Variants in FBXL13 observed in about 807,000 individuals in gnomAD.
FBXL13 encodes F-box and leucine-rich repeat protein 13.
Under a neutral mutation model 83.6 loss-of-function variants are expected in FBXL13, and 67 were observed. The observed-to-expected ratio is 0.80, with a 90% CI of 0.66 to 0.98. The LOEUF is 0.98. Ranked by LOEUF, FBXL13 falls within the 50% of genes least tolerant of loss-of-function variation. The pLI, the probability that FBXL13 is intolerant of heterozygous loss-of-function variation, is 0.00. For synonymous variants in FBXL13, 272 were observed against 299.5 expected, an observed-to-expected ratio of 0.91 and a Z score of 0.95; for missense variants, 822 against 866.5, an observed-to-expected ratio of 0.95 and a Z score of 0.64.
At chr7:103,033,301 G>A (rs1794712147) in intron 2 of FBXL13, among the ~76,000 whole-genome samples, 1 of 152,192 alleles carries the variant, frequency 6.6e-6, no homozygotes, top group Admixed American at 6.5e-5. Context: ...AGAACAAACT[G>A]CAGGCAGAAT....
chr7:102,815,223 C>G (rs1487768001), intron 19 of FBXL13, among the ~76,000 whole-genome samples: 1 of 152,234 alleles, frequency 6.6e-6, no homozygotes, highest in Non-Finnish European at 1.5e-5. Flanking sequence ...CTCCTCTAAA[C>G]ATCTACAGGA....
intron 18 of FBXL13, among the ~76,000 whole-genome samples, chr7:102,829,260 T>C (rs372453173): frequency 6.6e-6 from 1 of 152,326 alleles, no homozygotes; most frequent in South Asian, 2.1e-4. Flanking sequence ...TTGCTGCCTA[T>C]CTGTAAGTAA....
At chr7:102,904,225 GC>G (rs933885513) in intron 11 of FBXL13, among the ~76,000 whole-genome samples, 3 of 151,842 alleles carry the variant, frequency 2.0e-5, no homozygotes, top group Non-Finnish European at 4.4e-5. Context: ...AATCTTGGTA[GC>G]TTGTATGTGT....
Position 102,878,452 on chromosome 7 carries a change from T to G in FBXL13, c.1389-2A>C. 1 of 1,572,948 alleles carries G rather than the reference T, an allele frequency of 6.4e-7. No individual in the cohort carries two copies. Among genetic ancestry groups the G allele is most frequent in the Non-Finnish European group, 8.6e-7 (1 of 1,165,354 alleles). ...TGCTTTAGTCCCATATCACCAATTC[T>G]GTAGGAAAGAGAGAAAAATTTTACA... On this transcript the variant is annotated splice_acceptor_variant, in intron 14 of 19. Coordinates refer to ENST00000313221, the Ensembl canonical transcript of FBXL13. LOFTEE classifies it high-confidence loss of function.
chr7:103,047,671 T>A lies in FBXL13; in HGVS notation c.-1+7973A>T, dbSNP rs145873084. Among the ~76,000 whole-genome samples, 774 of 152,352 alleles carry A rather than the reference T, an allele frequency of 5.1e-3. 11 individuals carry two copies. Among genetic ancestry groups the A allele is most frequent in the African/African-American group, 0.018 (733 of 41,582 alleles). ...GTTGACAGTATATACTCAGACATAT[T>A]AGAATTTTATAAGTCCTATACATTT... On this transcript the variant is annotated intron_variant, in intron 2 of 19. Transcript: ENST00000313221.
At chr7:102,891,359 T>C (rs943909827) in intron 11 of FBXL13, among the ~76,000 whole-genome samples, 4 of 152,198 alleles carry the variant, frequency 2.6e-5, no homozygotes, top group African/African-American at 9.7e-5. Flanking sequence ...AACTCTTACA[T>C]CTGAGCACCA....
chr7:103,020,888 C>T (rs932360437), intron 6 of FBXL13, among the ~76,000 whole-genome samples: 10 of 152,232 alleles, frequency 6.6e-5, no homozygotes, highest in Non-Finnish European at 1.2e-4. Flanking sequence ...GAATCAATAT[C>T]GTGAAAATGG....
chr7:102,920,690 T>C (rs1181655004), intron 10 of FBXL13, among the ~76,000 whole-genome samples: 1 of 151,976 alleles, frequency 6.6e-6, no homozygotes, highest in Non-Finnish European at 1.5e-5. Flanking sequence ...TTTAAACTGC[T>C]CTCTTAAAAA....
At chr7:102,976,045 G>A in intron 6 of FBXL13, 1 of 766,364 alleles carries the variant, frequency 1.3e-6, no homozygotes, top group South Asian at 1.3e-5. Context: ...CTCTGCGGAG[G>A]ACCCCACTGG....
intron 11 of FBXL13, among the ~76,000 whole-genome samples, chr7:102,887,492 G>T (rs1421303832): frequency 1.3e-5 from 2 of 152,080 alleles, no homozygotes; most frequent in East Asian, 3.9e-4. Context: ...GACAGAGTGA[G>T]AAATGTATTT....
intron 8 of FBXL13, among the ~76,000 whole-genome samples, chr7:102,940,016 T>C (rs1337968428): frequency 6.6e-6 from 1 of 151,630 alleles, no homozygotes; most frequent in Non-Finnish European, 1.5e-5. Flanking sequence ...TGCCTCAGCC[T>C]CCCAAGCAGC....
chr7:102,920,818 G>C (rs940698349), intron 10 of FBXL13, among the ~76,000 whole-genome samples: 2 of 152,108 alleles, frequency 1.3e-5, no homozygotes, highest in African/African-American at 4.8e-5. Context: ...TCCACAAAAA[G>C]AACAAGCAAA....
chr7:102,856,906 A>T (rs144450281), intron 16 of FBXL13, among the ~76,000 whole-genome samples: 4 of 152,336 alleles, frequency 2.6e-5, no homozygotes, highest in African/African-American at 9.6e-5. Context: ...ACCCAAAAAC[A>T]GTGAAAACAT....
intron 1 of FBXL13, among the ~76,000 whole-genome samples, chr7:103,060,447 G>T (rs1797796397): frequency 6.6e-6 from 1 of 152,068 alleles, no homozygotes. Flanking sequence ...ATATTCCCTT[G>T]TACCACTCAA....
intron 19 of FBXL13, among the ~76,000 whole-genome samples, chr7:102,817,838 C>CT (rs1798216856): frequency 6.6e-6 from 1 of 152,150 alleles, no homozygotes; most frequent in South Asian, 2.1e-4. Context: ...GCCTAAGTGA[C>CT]TGTGAGACCC....
intron 2 of FBXL13, 148 bp from the exon 4 acceptor site, chr7:103,029,566 C>G: frequency 2.3e-6 from 1 of 428,120 alleles, no homozygotes; most frequent in Non-Finnish European, 4.2e-6. Flanking sequence ...GCTGAAAGAA[C>G]TATATACTAT....
intron 11 of FBXL13, among the ~76,000 whole-genome samples, chr7:102,895,616 C>T (rs777733582): frequency 2.0e-5 from 3 of 152,142 alleles, no homozygotes; most frequent in Non-Finnish European, 4.4e-5. Flanking sequence ...GGCCATAACC[C>T]ATCGTTGCAC....
intron 17 of FBXL13, among the ~76,000 whole-genome samples, chr7:102,843,642 C>T (rs1226359800): frequency 2.0e-5 from 3 of 151,734 alleles, no homozygotes; most frequent in East Asian, 1.9e-4. Flanking sequence ...CAGACATGGT[C>T]GTGGGCACCT....
At chr7:102,846,410 G>T (rs1352260361) in intron 17 of FBXL13, among the ~76,000 whole-genome samples, 2 of 152,086 alleles carry the variant, frequency 1.3e-5, no homozygotes, top group Non-Finnish European at 2.9e-5. Context: ...CTGAGGTCAG[G>T]GGTTCAAGAC....
Sources: gnomAD v4.1 joint callset for allele counts (sites outside exome capture counted in the v4.1 genomes callset) on GRCh38, gnomAD v4.1.1 for gene constraint, MANE v1.5 for transcripts, NCBI Gene and HGNC (gene_info 2026-07-23, HGNC 2026-07-21) for gene names.